The following NCOA2 variants were observed in gnomAD, a reference collection of about 807,000 sequenced individuals.
The protein encoded by NCOA2 is class E basic helix-loop-helix protein 75.
In NCOA2, 21 loss-of-function variants were observed where a neutral mutation model predicts 145.1. The ratio of observed to expected loss-of-function variants is 0.14; its 90% CI spans 0.10 to 0.21. NCOA2 has a LOEUF of 0.21. NCOA2 is among the 10% of genes least tolerant of loss of function. The pLI is 1.00. For synonymous variants in NCOA2, 619 were observed against 637.5 expected (o/e 0.97, Z 0.44); for missense variants, 1,472 against 1,837.6 (o/e 0.80, Z 3.64).
chr8:70,252,545 T>C (rs931459607), intron 2 of NCOA2, among the ~76,000 whole-genome samples: 3 of 152,240 alleles, frequency 2.0e-5, no homozygotes, highest in African/African-American at 7.2e-5. Flanking sequence ...TAACCAGATT[T>C]GCTCTTCTGA....
chr8:70,189,464 A>G (rs1244798579), intron 4 of NCOA2, among the ~76,000 whole-genome samples: 1 of 152,164 alleles, frequency 6.6e-6, no homozygotes, highest in Admixed American at 6.5e-5. Flanking sequence ...ATCTCTATTC[A>G]CCATGCAACT....
Position 70,113,396 on chromosome 8 carries a change from A to G in NCOA2, c.*236T>C. Reference sequence around the variant, plus strand: ...ATCTAAGTTGCACTAAGGTGAATGCAGTGAACAGACTGAGCGACTGTCTGG... The same window carrying G: ...ATCTAAGTTGCACTAAGGTGAATGCGGTGAACAGACTGAGCGACTGTCTGG... On this transcript the variant is annotated 3_prime_UTR_variant, in exon 23 of 23. Transcript: ENST00000452400. 1 of 585,160 alleles carries G rather than the reference A, an allele frequency of 1.7e-6. No individual in the cohort carries two copies. The highest frequency in any genetic ancestry group is 2.1e-5 in the South Asian group (1 of 46,542). 36.2% of individuals were successfully genotyped at this position (585,160 alleles called of 1,614,324 possible).
At chr8:70,417,922 A>G in the NCOA2 span, among the ~76,000 whole-genome samples, 5 of 149,060 alleles carry the variant, frequency 3.4e-5, no homozygotes, top group Non-Finnish European at 6.0e-5. Context: ...CAGAGGCACG[A>G]GAGAGCCAAA....
chr8:70,142,563 G>C (rs1810564667), intron 13 of NCOA2, among the ~76,000 whole-genome samples: 1 of 152,156 alleles, frequency 6.6e-6, no homozygotes, highest in Non-Finnish European at 1.5e-5. Flanking sequence ...GCCGGGCATG[G>C]TGGCAGATGC....
chr8:70,163,579 A>G lies in NCOA2; in HGVS notation c.731-13T>C. 1 of 1,600,634 alleles carries G rather than the reference A, an allele frequency of 6.2e-7. No individual in the cohort carries two copies. The highest frequency in any genetic ancestry group is 8.6e-7 in the Non-Finnish European group (1 of 1,168,664). ...CAGGACTGCAAATCTTAAACCACAC[A>G]TGTTTACATTTATCATATTGGGCTT... On this transcript the variant is annotated splice_polypyrimidine_tract_variant and intron_variant, in intron 7 of 22. Coordinates refer to ENST00000452400, the MANE Select transcript of NCOA2 (RefSeq NM_006540.4).
intron 1 of NCOA2, among the ~76,000 whole-genome samples, chr8:70,400,081 G>A (rs149159101): frequency 6.1e-4 from 93 of 152,192 alleles, no homozygotes; most frequent in African/African-American, 2.2e-3. Context: ...CCCCCTCCAA[G>A]CCTTACATTT....
chr8:70,140,345 C>A (rs965634966), intron 14 of NCOA2, among the ~76,000 whole-genome samples: 11 of 152,146 alleles, frequency 7.2e-5, no homozygotes, highest in Non-Finnish European at 1.6e-4. Flanking sequence ...TCATTCTGGA[C>A]ATTTCATATA....
intron 7 of NCOA2, among the ~76,000 whole-genome samples, chr8:70,165,031 C>T (rs1343214953): frequency 1.3e-5 from 2 of 152,184 alleles, no homozygotes; most frequent in African/African-American, 2.4e-5. Context: ...TTATGCTATA[C>T]TGTGTTAACT....
intron 2 of NCOA2, among the ~76,000 whole-genome samples, chr8:70,238,024 C>A (rs1174949452): frequency 6.6e-6 from 1 of 152,138 alleles, no homozygotes; most frequent in African/African-American, 2.4e-5. Context: ...AATGTACCCA[C>A]AGACCACAAA....
Position 70,127,011 on chromosome 8 carries a change from T to G in NCOA2, c.3718A>C (p.Arg1240=). ...CGAAGATGCTGGTTCAGGATTTCCC[T>G]CTGTCTCTGGGCCAGCATCTGTGCA... ...INAQMLAQRQ[R]EILNQHLRQR... The change falls in exon 19 of 23, where the codon AGG becomes CGG. Residue 1240 remains arginine (R), a synonymous_variant. Coordinates refer to ENST00000452400, the MANE Select transcript of NCOA2 (RefSeq NM_006540.4). The G allele has an allele frequency of 6.2e-7, 1 of 1,613,044 alleles. No individual in the cohort carries two copies. The highest frequency in any genetic ancestry group is 8.5e-7 in the Non-Finnish European group (1 of 1,179,500).
At chr8:70,124,923 ACTG>A (rs1808250233) in intron 19 of NCOA2, 58 bp from the exon 20 acceptor site, 2 of 1,452,094 alleles carry the variant, frequency 1.4e-6, no homozygotes, top group Admixed American at 2.4e-5. Context: ...TATTGTAGAG[ACTG>A]GTGGGGGGGA....
At position 70,199,144 on chromosome 8, in the gene NCOA2, G is replaced by A. The variant is rs141514659; in HGVS notation, c.259+14759C>T. Among the ~76,000 whole-genome samples the A allele has an allele frequency of 3.3e-5, 5 of 152,176 alleles. No homozygotes were observed. In the East Asian group the frequency reaches 9.7e-4, roughly 29 times the overall value. On this transcript the variant is annotated intron_variant, in intron 4 of 22. Coordinates refer to ENST00000452400, the MANE Select transcript of NCOA2 (RefSeq NM_006540.4). ...AAGCCAGTGAGTGAGGATGAATGTG[G>A]TACAGCTCAAAAGTAGAAAGGGGTG...
At chr8:70,285,674 G>A (rs1469926333) in intron 2 of NCOA2, among the ~76,000 whole-genome samples, 8 of 152,174 alleles carry the variant, frequency 5.3e-5, no homozygotes, top group Admixed American at 4.6e-4. Context: ...TTACTACACC[G>A]TAAGATGTGG....
intron 2 of NCOA2, among the ~76,000 whole-genome samples, chr8:70,259,740 T>C (rs1823953154): frequency 2.0e-5 from 3 of 152,170 alleles, no homozygotes; most frequent in African/African-American, 7.2e-5. Flanking sequence ...ATCAAAGCAA[T>C]GATTAAATAA....
chr8:70,220,627 A>C (rs144319979), intron 2 of NCOA2, among the ~76,000 whole-genome samples: 1 of 152,300 alleles, frequency 6.6e-6, no homozygotes, highest in East Asian at 1.9e-4. Context: ...TCCTTAGCAT[A>C]ATGACAGAAA....
rs1406322339 is a variant in NCOA2, at chr8:70,374,747, AGCTATGATCAT to A, written c.-77+28942_-77+28952del. Reference sequence around the variant, plus strand: ...AGCACAGGAGGTTAAGGCTGCAGTGAGCTATGATCATGCTACTGCACTCTAGACAGAGAAAG... The same window carrying A: ...AGCACAGGAGGTTAAGGCTGCAGTGAGCTACTGCACTCTAGACAGAGAAAG... On this transcript the variant is annotated intron_variant, in intron 1 of 22. Transcript: ENST00000452400. 3.3e-5 allele frequency among the ~76,000 whole-genome samples: 5 copies of A among 151,470 alleles called. No homozygotes were observed. The East Asian group carries it at 9.7e-4, about 29-fold the overall frequency.
intron 2 of NCOA2, among the ~76,000 whole-genome samples, chr8:70,262,605 T>A (rs1258098879): frequency 6.6e-6 from 1 of 152,140 alleles, no homozygotes; most frequent in African/African-American, 2.4e-5. Flanking sequence ...ACAAGTGGAA[T>A]ACCAACTTTT....
chr8:70,421,760 T>TAAA, the NCOA2 span, among the ~76,000 whole-genome samples: 1 of 140,886 alleles, frequency 7.1e-6, no homozygotes, highest in Non-Finnish European at 1.6e-5. Context: ...GGGCTTTTGG[T>TAAA]AAAAAAAAAA....
intron 19 of NCOA2, among the ~76,000 whole-genome samples, 177 bp from the exon 20 acceptor site, chr8:70,125,042 T>C (rs1808265835): frequency 1.3e-5 from 2 of 152,146 alleles, no homozygotes; most frequent in African/African-American, 2.4e-5. Context: ...GGATAAAATA[T>C]GGAGAAAATA....
Sources: gnomAD v4.1 joint callset for allele counts (sites outside exome capture counted in the v4.1 genomes callset) on GRCh38, gnomAD v4.1.1 for gene constraint, MANE v1.5 for transcripts, NCBI Gene and HGNC (gene_info 2026-07-23, HGNC 2026-07-21) for gene names.